Variants in GLOD4 observed in about 807,000 individuals in gnomAD.
GLOD4 encodes the protein glyoxalase domain containing 4.
GLOD4 carries 44 observed loss-of-function variants against 39.1 expected under a neutral mutation model. The observed-to-expected ratio is 1.13, with a 90% confidence interval of 0.88 to 1.45. The LOEUF (loss-of-function observed/expected upper bound fraction) is 1.45, where lower values mean the gene tolerates loss of function less well. Among genes scored for constraint, GLOD4 ranks in the 40% most tolerant of loss-of-function variants. The probability of loss-of-function intolerance (pLI) is 0.00; values close to 1 mark genes in which losing one functional copy is unlikely to be tolerated. For synonymous variants in GLOD4, 145 were observed against 135.0 expected, an observed-to-expected ratio of 1.07 and a Z score of -0.52; for missense variants, 405 against 366.4, an observed-to-expected ratio of 1.11 and a Z score of -0.86.
chr17:765,989 CAG>C (rs1906467046), intron 8 of GLOD4, among the ~76,000 whole-genome samples: 1 of 151,528 alleles, frequency 6.6e-6, no homozygotes, highest in African/African-American at 2.4e-5. Flanking sequence ...TCGCTAACAG[CAG>C]AGGAGAAGAG....
At chr17:775,490 A>C (rs1014734431) in intron 4 of GLOD4, among the ~76,000 whole-genome samples, 3 of 152,232 alleles carry the variant, frequency 2.0e-5, no homozygotes, top group African/African-American at 7.2e-5. Flanking sequence ...TGTGAGCTAA[A>C]AGATTCTATA....
upstream of GLOD4, chr17:782,843 A>C (rs1292670250): frequency 3.1e-6 from 3 of 969,986 alleles, no homozygotes. Context: ...CTTTGGAATT[A>C]GCTTCTGTTT....
Position 778,024 on chromosome 17 carries a change from G to C in GLOD4, c.140+671C>G, listed in dbSNP as rs186710048. ...ATGAGCTTCTGGGATGCTGAACGTA[G>C]GGAGGTGCTGGATTGGAGCCTGCCC... On this transcript the variant is annotated intron_variant, in intron 2 of 8. Coordinates refer to ENST00000301329, the MANE Select transcript of GLOD4 (RefSeq NM_016080.4). Among the ~76,000 whole-genome samples the C allele has an allele frequency of 1.1e-3, 164 of 152,282 alleles. 2 individuals are homozygous for C. Among genetic ancestry groups the C allele is most frequent in the African/African-American group, 3.8e-3 (160 of 41,560 alleles).
intron 2 of GLOD4, chr17:778,318 G>C: frequency 2.8e-6 from 1 of 361,750 alleles, no homozygotes. Flanking sequence ...TTCTGGGACT[G>C]AGCCCTTAAC....
chr17:766,870 C>T (rs1257917043), intron 8 of GLOD4, among the ~76,000 whole-genome samples: 2 of 152,148 alleles, frequency 1.3e-5, no homozygotes, highest in Non-Finnish European at 2.9e-5. Context: ...TTGCACTCCA[C>T]CCTGGGCGAC....
rs2144352379 is a variant in GLOD4, at chr17:769,108, A to T, written c.831+761T>A. Among the ~76,000 whole-genome samples, 2 of 152,388 alleles carry T rather than the reference A, an allele frequency of 1.3e-5. 1 individual carries two copies. Reference sequence around the variant, plus strand: ...AGAGACTGATGCTGCAGAATGGAGAAGAGATGATCAAAGGAGCTGCAGAGC... The same window carrying T: ...AGAGACTGATGCTGCAGAATGGAGATGAGATGATCAAAGGAGCTGCAGAGC... On this transcript the variant is annotated intron_variant, in intron 8 of 8. Transcript: ENST00000301329.
At chr17:770,587 T>C (rs528048808) in intron 5 of GLOD4, 80 bp from the exon 6 acceptor site, 14 of 772,774 alleles carry the variant, frequency 1.8e-5, no homozygotes, top group African/African-American at 5.1e-5. Flanking sequence ...TCAAATATTA[T>C]ATACTAAAGG....
In GLOD4 at chr17:760,136, A is replaced by G. The variant is rs370921730; in HGVS notation, c.*37T>C. The G allele has an allele frequency of 1.4e-4, 171 of 1,240,662 alleles. No individual in the cohort carries two copies. The highest frequency in any genetic ancestry group is 1.9e-4 in the Non-Finnish European group (160 of 839,522). 76.9% of individuals were successfully genotyped at this position (1,240,662 alleles called of 1,614,324 possible). A position where few individuals can be genotyped will look rare whatever the true frequency, so the allele number is the denominator to read the frequency against. On this transcript the variant is annotated 3_prime_UTR_variant, in exon 9 of 9. Transcript: ENST00000301329. ...ACGTCAGGCCTCACAGGTGCTGGGC[A>G]GGAATCACAGAGGCTTGCTCTGCAT... is the stretch of plus-strand genomic sequence containing the variant.
At chr17:772,717 C>T (rs1290489982) in intron 4 of GLOD4, among the ~76,000 whole-genome samples, 2 of 152,044 alleles carry the variant, frequency 1.3e-5, no homozygotes, top group Non-Finnish European at 1.5e-5. Context: ...ATATTCAGGC[C>T]GGGCGCGGTG....
chr17:777,137 G>A (rs2144441450), intron 2 of GLOD4, 149 bp from the exon 3 acceptor site: 1 of 669,246 alleles, frequency 1.5e-6, no homozygotes. Context: ...GGTACAGAAA[G>A]CAGCTGTGGG....
intron 4 of GLOD4, among the ~76,000 whole-genome samples, chr17:772,367 G>T (rs941437800): frequency 2.6e-5 from 4 of 151,554 alleles, no homozygotes; most frequent in Non-Finnish European, 5.9e-5. Flanking sequence ...GAAAATACTA[G>T]ATACAGATGA....
chr17:761,255 CAA>C (rs1156607720), intron 8 of GLOD4, among the ~76,000 whole-genome samples: 1 of 152,108 alleles, frequency 6.6e-6, no homozygotes, highest in African/African-American at 2.4e-5. Flanking sequence ...AAAGAAGAAA[CAA>C]ATATATTTAT....
At chr17:774,939 T>A (rs1908635365) in intron 4 of GLOD4, among the ~76,000 whole-genome samples, 1 of 151,674 alleles carries the variant, frequency 6.6e-6, no homozygotes. Context: ...CGTGGTGGCA[T>A]GTGCCTGTAA....
At chr17:777,205 A>G in intron 2 of GLOD4, 1 of 570,064 alleles carries the variant, frequency 1.8e-6, no homozygotes, top group Non-Finnish European at 3.1e-6. Flanking sequence ...TACCTGAAGG[A>G]AAGATTTGTT....
intron 8 of GLOD4, among the ~76,000 whole-genome samples, chr17:763,369 A>T (rs568390987): frequency 3.3e-5 from 5 of 150,442 alleles, no homozygotes; most frequent in Admixed American, 2.6e-4. Context: ...TTAGCTGGAC[A>T]TGGTGGCGGG....
At chr17:761,470 G>C (rs578217689) in intron 8 of GLOD4, among the ~76,000 whole-genome samples, 24 of 152,144 alleles carry the variant, frequency 1.6e-4, no homozygotes, top group Non-Finnish European at 3.1e-4. Flanking sequence ...AAAGTGGGAG[G>C]AAAGAACAAC....
intron 8 of GLOD4, among the ~76,000 whole-genome samples, chr17:765,669 C>T (rs1238273440): frequency 6.6e-6 from 1 of 150,884 alleles, no homozygotes; most frequent in Non-Finnish European, 1.5e-5. Flanking sequence ...TGGTCTCGAT[C>T]TCCTGACCTT....
chr17:772,919 C>T (rs912535917), intron 4 of GLOD4, among the ~76,000 whole-genome samples: 4 of 151,516 alleles, frequency 2.6e-5, no homozygotes, highest in East Asian at 1.9e-4. Context: ...GGCGTGAACC[C>T]GGGAGGCGGA....
chr17:760,068 C>T lies in GLOD4; in HGVS notation c.*105G>A. ...ATCTGCACTACCCAAGCCTCCTTGC[C>T]TGTACGGGAAACAAATCAGAAGAGC... On this transcript the variant is annotated 3_prime_UTR_variant, in exon 9 of 9. Coordinates refer to ENST00000301329, the MANE Select transcript of GLOD4 (RefSeq NM_016080.4). 1.3e-6 allele frequency: 1 copy of T among 747,150 alleles called. No homozygotes were observed. Among genetic ancestry groups the T allele is most frequent in the Non-Finnish European group, 2.4e-6 (1 of 408,832 alleles). The allele number at this position is 747,150 out of a possible 1,614,324, so 46.3% of individuals were successfully genotyped here.
Sources: allele counts gnomAD v4.1 joint callset (sites outside exome capture counted in the v4.1 genomes callset), GRCh38; gene constraint gnomAD v4.1.1; transcripts MANE v1.5; gene names NCBI Gene and HGNC (gene_info 2026-07-23, HGNC 2026-07-21).